The following PARD3 variants were observed in gnomAD, a reference collection of about 807,000 sequenced individuals.
PARD3 encodes partitioning defective 3 homolog.
In PARD3, 75 loss-of-function variants were observed where a neutral mutation model predicts 155.4. That is an observed-to-expected ratio of 0.48 (90% confidence interval 0.40 to 0.58). The LOEUF is 0.58. PARD3 is among the 20% of genes least tolerant of loss of function. PARD3 has a pLI of 0.00. For missense variants in PARD3, 1,642 were observed against 1,721.7 expected (o/e 0.95, Z 0.82); for synonymous variants, 576 against 610.5 (o/e 0.94, Z 0.83).
At chr10:34,498,919 T>C (rs1402863405) in intron 3 of PARD3, among the ~76,000 whole-genome samples, 1 of 152,190 alleles carries the variant, frequency 6.6e-6, no homozygotes, top group Non-Finnish European at 1.5e-5. Flanking sequence ...CACTCCTACC[T>C]TTTTTAGACA....
intron 1 of PARD3, among the ~76,000 whole-genome samples, chr10:34,713,720 C>T (rs1387094312): frequency 6.6e-6 from 1 of 151,716 alleles, no homozygotes; most frequent in East Asian, 1.9e-4. Context: ...AAGCTATTAT[C>T]GCATCAATGC....
intron 1 of PARD3, among the ~76,000 whole-genome samples, chr10:34,702,196 TA>T (rs781611430): frequency 0.067 from 9,372 of 139,110 alleles, 885 homozygotes; most frequent in African/African-American, 0.22. Flanking sequence ...ATTTTAATAT[TA>T]AAAAAAAAAA....
intron 16 of PARD3, among the ~76,000 whole-genome samples, chr10:34,339,761 A>C (rs1836601881): frequency 6.6e-6 from 1 of 152,212 alleles, no homozygotes; most frequent in African/African-American, 2.4e-5. Flanking sequence ...CATTAGTAAG[A>C]GTCTTAAATA....
intron 2 of PARD3, among the ~76,000 whole-genome samples, chr10:34,535,174 C>T (rs534933749): frequency 6.6e-6 from 1 of 152,158 alleles, no homozygotes; most frequent in Non-Finnish European, 1.5e-5. Context: ...CGTTTTAATC[C>T]CCATATGTCT....
chr10:34,152,771 G>A (rs1439300532), intron 22 of PARD3, among the ~76,000 whole-genome samples: 1 of 141,600 alleles, frequency 7.1e-6, no homozygotes, highest in Non-Finnish European at 1.6e-5. Context: ...GTTTTCCCAT[G>A]CAGACAACTG....
chr10:34,122,773 A>C (rs1947076090), intron 23 of PARD3, among the ~76,000 whole-genome samples: 1 of 152,192 alleles, frequency 6.6e-6, no homozygotes, highest in Non-Finnish European at 1.5e-5. Context: ...CACCCCTCTA[A>C]TTCACAATTT....
chr10:34,128,905 T>C (rs1289171408), intron 23 of PARD3, among the ~76,000 whole-genome samples: 4 of 152,084 alleles, frequency 2.6e-5, no homozygotes, highest in Admixed American at 2.6e-4. Flanking sequence ...GCCCCACCCG[T>C]AAAGGTTTAC....
intron 23 of PARD3, among the ~76,000 whole-genome samples, chr10:34,125,318 G>T (rs972166542): frequency 6.6e-6 from 1 of 151,996 alleles, no homozygotes; most frequent in South Asian, 2.1e-4. Context: ...ACCCACCTGG[G>T]CCTCCCAAAG....
Position 34,389,239 on chromosome 10 carries a change from TAAAAAA to T in PARD3, c.891-4991_891-4986del, listed in dbSNP as rs57615675. Among the ~76,000 whole-genome samples the T allele has an allele frequency of 8.7e-4, 57 of 65,852 alleles. 1 individual carries two copies. The highest frequency in any genetic ancestry group is 3.1e-3 in the African/African-American group (43 of 13,802). 43.2% of individuals were successfully genotyped at this position (65,852 alleles called of 152,430 possible). ...GACTTCGTTTTTGAACAATGTTTCT[TAAAAAA>T]AAAAAAAAAAAAAAAAAAAAGACAA... On this transcript the variant is annotated intron_variant, in intron 7 of 24. Coordinates refer to ENST00000374788, the MANE Select transcript of PARD3 (RefSeq NM_001184785.2).
At chr10:34,448,629 C>T (rs903145598) in intron 5 of PARD3, among the ~76,000 whole-genome samples, 100 of 152,092 alleles carry the variant, frequency 6.6e-4, no homozygotes, top group African/African-American at 2.3e-3. Flanking sequence ...GGGAGACCGT[C>T]TCCACAAAAT....
intron 22 of PARD3, among the ~76,000 whole-genome samples, chr10:34,164,988 C>T (rs368510574): frequency 6.0e-4 from 92 of 152,224 alleles, no homozygotes; most frequent in African/African-American, 1.9e-3. Flanking sequence ...GATAATTTAA[C>T]GTTGATTGAT....
chr10:34,451,341 T>C (rs868717575), intron 4 of PARD3, among the ~76,000 whole-genome samples: 1 of 152,112 alleles, frequency 6.6e-6, no homozygotes, highest in Non-Finnish European at 1.5e-5. Context: ...TTCAGTTGGA[T>C]CCACTTAACT....
chr10:34,596,833 T>A (rs897773909), intron 2 of PARD3, among the ~76,000 whole-genome samples: 2 of 152,136 alleles, frequency 1.3e-5, no homozygotes, highest in African/African-American at 4.8e-5. Flanking sequence ...GCACTCACAA[T>A]TTGTAATATA....
At position 34,439,092 on chromosome 10, in the gene PARD3, C is replaced by T. The variant is rs561021731; in HGVS notation, c.714+11225G>A. Among the ~76,000 whole-genome samples the T allele has an allele frequency of 2.6e-5, 4 of 152,242 alleles. No homozygotes were observed. The South Asian group carries it at 6.2e-4, about 24-fold the overall frequency. The stretch of plus-strand genomic sequence containing the variant: ...AGACAGGAGATTAATACAAAAGCAA[C>T]GTCCTAATACTGGGAAGGGTTGGGA... On this transcript the variant is annotated intron_variant, in intron 5 of 24. Transcript: ENST00000374788.
intron 20 of PARD3, among the ~76,000 whole-genome samples, chr10:34,300,123 G>A (rs1239153913): frequency 2.0e-5 from 3 of 152,138 alleles, no homozygotes; most frequent in African/African-American, 7.2e-5. Flanking sequence ...AGGACTTTAT[G>A]TCTCTTTGGA....
chr10:34,507,700 C>A (rs1052362111), intron 3 of PARD3, among the ~76,000 whole-genome samples: 1 of 152,110 alleles, frequency 6.6e-6, no homozygotes, highest in Non-Finnish European at 1.5e-5. Context: ...CTGCAATTAG[C>A]TAGAAAATTA....
chr10:34,708,454 T>C (rs2094401138), intron 1 of PARD3, among the ~76,000 whole-genome samples: 2 of 152,218 alleles, frequency 1.3e-5, no homozygotes, highest in South Asian at 2.1e-4. Flanking sequence ...GTACTAGTTA[T>C]ACAACGAACA....
chr10:34,290,010 T>A (rs1956598037), intron 20 of PARD3, among the ~76,000 whole-genome samples: 1 of 152,214 alleles, frequency 6.6e-6, no homozygotes, highest in Non-Finnish European at 1.5e-5. Flanking sequence ...TTCCTTGCTA[T>A]TAAAACCATC....
At chr10:34,595,642 A>C (rs114896898) in intron 2 of PARD3, among the ~76,000 whole-genome samples, 1,885 of 152,310 alleles carry the variant, frequency 0.012, 42 homozygotes, top group African/African-American at 0.042. Context: ...TAGGAAAAAG[A>C]ATAAAGTTTC....
Sources: allele counts gnomAD v4.1 joint callset (sites outside exome capture counted in the v4.1 genomes callset), GRCh38; gene constraint gnomAD v4.1.1; transcripts MANE v1.5; gene names NCBI Gene and HGNC (gene_info 2026-07-23, HGNC 2026-07-21).